The following FOXN3 variants were observed in gnomAD, a reference collection of about 807,000 sequenced individuals.
The protein encoded by FOXN3 is forkhead box protein N3.
A neutral mutation model predicts 38.4 loss-of-function variants in FOXN3; 7 were observed. The observed-to-expected ratio is 0.18, with a 90% CI of 0.10 to 0.34. FOXN3 has a LOEUF of 0.34. Ranked by LOEUF, FOXN3 falls within the 10% of genes least tolerant of loss-of-function variation. FOXN3 has a pLI of 1.00. For synonymous variants in FOXN3, 230 were observed against 242.2 expected (o/e 0.95, Z 0.47); for missense variants, 456 against 613.4 (o/e 0.74, Z 2.71).
intron 3 of FOXN3, among the ~76,000 whole-genome samples, chr14:89,287,749 T>TAAAAAAA (rs58930677): frequency 1.5e-5 from 2 of 129,704 alleles, no homozygotes; most frequent in Non-Finnish European, 3.2e-5. Context: ...TAAAGAATGC[T>TAAAAAAA]AAAAAAAAAA....
Position 89,163,576 on chromosome 14 carries a change from G to T in FOXN3, c.852-607C>A, listed in dbSNP as rs1471741325. ...GGGGGAGGGACACGGGGTTGGATCG[G>T]ATATAGACACTGCCACAGCGATGTT... On this transcript the variant is annotated intron_variant, in intron 5 of 5. Transcript: ENST00000557258. The surrounding 1 kb of genome is among the most constrained non-coding windows in gnomAD (Gnocchi z 4.3). Among the ~76,000 whole-genome samples the T allele has an allele frequency of 6.6e-6, 1 of 152,170 alleles. No individual in the cohort carries two copies. Among genetic ancestry groups the T allele is most frequent in the African/African-American group, 2.4e-5 (1 of 41,428 alleles).
intron 3 of FOXN3, among the ~76,000 whole-genome samples, chr14:89,338,093 G>C (rs1888517271): frequency 6.6e-6 from 1 of 152,178 alleles, no homozygotes; most frequent in African/African-American, 2.4e-5. Flanking sequence ...TGCATACCCA[G>C]AGGGACACTC....
Position 89,598,590 on chromosome 14 carries a change from A to G in FOXN3, c.-15+20438T>C, listed in dbSNP as rs188013533. 9.6e-3 allele frequency among the ~76,000 whole-genome samples: 1,469 copies of G among 152,302 alleles called. 16 individuals are homozygous for G. Among genetic ancestry groups the G allele is most frequent in the African/African-American group, 0.033 (1,381 of 41,574 alleles). ...ATGAGCCGCCATGCTCAGCCTCATG[A>G]TAAGTTTTTAATATCTTTAACTCTT... On this transcript the variant is annotated intron_variant, in intron 1 of 6. Transcript: ENST00000345097.
intron 3 of FOXN3, among the ~76,000 whole-genome samples, chr14:89,345,935 C>T (rs566589775): frequency 2.0e-5 from 3 of 152,178 alleles, no homozygotes; most frequent in Non-Finnish European, 2.9e-5. Flanking sequence ...TGCCTGTAAT[C>T]CCAGCTACTC....
At chr14:89,313,270 T>G (rs1441668716) in intron 3 of FOXN3, among the ~76,000 whole-genome samples, 4 of 152,178 alleles carry the variant, frequency 2.6e-5, no homozygotes, top group Admixed American at 2.6e-4. Context: ...TGTATCCATA[T>G]GAACTGACAA....
chr14:89,283,008 G>C (rs1044418363), intron 3 of FOXN3, among the ~76,000 whole-genome samples: 1 of 152,164 alleles, frequency 6.6e-6, no homozygotes, highest in African/African-American at 2.4e-5. Flanking sequence ...TAGTAGTGGA[G>C]AGAGACTTGG....
intron 1 of FOXN3, among the ~76,000 whole-genome samples, chr14:89,486,202 A>T (rs1019797901): frequency 6.6e-6 from 1 of 152,242 alleles, no homozygotes; most frequent in Non-Finnish European, 1.5e-5. Context: ...AACATTAGAA[A>T]GATTAATACG....
intron 3 of FOXN3, among the ~76,000 whole-genome samples, chr14:89,341,707 G>A (rs1427032131): frequency 6.6e-6 from 1 of 152,090 alleles, no homozygotes; most frequent in African/African-American, 2.4e-5. Context: ...GCTTCTACAA[G>A]ACAAAGTGCC....
rs898204222 is a variant in FOXN3 at position 89,557,169 on chromosome 14, T to C, written c.-15+61859A>G. Among the ~76,000 whole-genome samples the C allele has an allele frequency of 9.2e-5, 14 of 152,140 alleles. No individual in the cohort carries two copies. In the South Asian group the frequency reaches 1.0e-3, roughly 11 times the overall value. ...TATGGCCAGAACATATGATGAGCAG[T>C]TTTTCATAAACCTGAACTCACACCT... On this transcript the variant is annotated intron_variant, in intron 1 of 6. Transcript: ENST00000345097.
chr14:89,522,415 G>A (rs979402131), intron 1 of FOXN3, among the ~76,000 whole-genome samples: 12 of 152,246 alleles, frequency 7.9e-5, no homozygotes, highest in Middle Eastern at 3.4e-3. Flanking sequence ...AACTCTGCGT[G>A]TACACAAAAG....
Position 89,336,164 on chromosome 14 carries a change from ACACAC to A in FOXN3, c.680+14503_680+14507del, listed in dbSNP as rs1308706926. On this transcript the variant is annotated intron_variant, in intron 3 of 5. Transcript: ENST00000557258. The stretch of plus-strand genomic sequence containing the variant: ...CACACACACACACACACACACACAC[ACACAC>A]ACATTCATAATCCTTAGTCACCCCT... Among the ~76,000 whole-genome samples the A allele has an allele frequency of 6.2e-5, 9 of 145,684 alleles. No individual in the cohort carries two copies. In the South Asian group the frequency reaches 9.2e-4, roughly 15 times the overall value.
rs78508388 is a variant in FOXN3 at position 89,412,704 on chromosome 14, T to C, written c.-14-214A>G. ...GAGAAAAATCAGCCCGCCATTCATA[T>C]AGCAAGGTGACCTGATGCCCCTTAA... On this transcript the variant is annotated intron_variant, in intron 1 of 5. Coordinates refer to ENST00000557258, the MANE Select transcript of FOXN3 (RefSeq NM_005197.4). The surrounding 1 kb of genome is among the most constrained non-coding windows in gnomAD (Gnocchi z 4.7). Among the ~76,000 whole-genome samples, 9,579 of 152,094 alleles carry C rather than the reference T, an allele frequency of 0.063. 403 individuals are homozygous for C. Among genetic ancestry groups the C allele is most frequent in the Middle Eastern group, 0.11 (33 of 294 alleles).
At chr14:89,339,038 T>C (rs1888541818) in intron 3 of FOXN3, among the ~76,000 whole-genome samples, 1 of 152,194 alleles carries the variant, frequency 6.6e-6, no homozygotes, top group Non-Finnish European at 1.5e-5. Flanking sequence ...TTCACTCTTG[T>C]TACCCAGGCT....
chr14:89,229,913 C>A (rs1356531205), intron 4 of FOXN3, among the ~76,000 whole-genome samples: 1 of 152,220 alleles, frequency 6.6e-6, no homozygotes, highest in East Asian at 1.9e-4. Flanking sequence ...TGGCAGAAGT[C>A]CCTGGCTCCA....
At chr14:89,467,804 GTTT>G (rs68132432) in intron 1 of FOXN3, among the ~76,000 whole-genome samples, 2 of 56,578 alleles carry the variant, frequency 3.5e-5, no homozygotes, top group African/African-American at 6.7e-5. Flanking sequence ...TTCTTTCTTT[GTTT>G]TTTTTTTTTT....
intron 4 of FOXN3, 44 bp downstream of exon 4, chr14:89,280,906 T>TGGGTGA: frequency 6.5e-7 from 1 of 1,534,864 alleles, no homozygotes; most frequent in Non-Finnish European, 9.0e-7. Context: ...GAAAGGCGGG[T>TGGGTGA]GGGTGAGGGG....
intron 1 of FOXN3, among the ~76,000 whole-genome samples, chr14:89,523,764 T>C (rs1013442223): frequency 7.8e-6 from 1 of 128,124 alleles, no homozygotes; most frequent in African/African-American, 2.8e-5. Flanking sequence ...TTTCTTCCTT[T>C]CTTTATGTTT....
intron 1 of FOXN3, among the ~76,000 whole-genome samples, chr14:89,570,304 A>G (rs1895465992): frequency 6.6e-6 from 1 of 152,028 alleles, no homozygotes; most frequent in South Asian, 2.1e-4. Flanking sequence ...CAGCCGGTAC[A>G]CTTGGTAATT....
chr14:89,278,524 T>G (rs1318802034), intron 4 of FOXN3, among the ~76,000 whole-genome samples: 2 of 152,172 alleles, frequency 1.3e-5, no homozygotes, highest in African/African-American at 4.8e-5. Flanking sequence ...GATCCATAAC[T>G]CATGATCCAT....
Sources: gnomAD v4.1 joint callset for allele counts (sites outside exome capture counted in the v4.1 genomes callset) on GRCh38, gnomAD v4.1.1 for gene constraint, Gnocchi (gnomAD v3.1) non-coding constraint, MANE v1.5 for transcripts, NCBI Gene and HGNC (gene_info 2026-07-23, HGNC 2026-07-21) for gene names.